Variants in CADPS observed in about 807,000 individuals in gnomAD.
CADPS encodes calcium dependent secretion activator.
CADPS carries 57 observed loss-of-function variants against 167.3 expected under a neutral mutation model. The observed-to-expected ratio is 0.34, with a 90% confidence interval of 0.28 to 0.42. The LOEUF is 0.42. Ranked by LOEUF, CADPS falls within the 20% of genes least tolerant of loss-of-function variation. The probability of loss-of-function intolerance (pLI) is 1.00; values close to 1 mark genes in which losing one functional copy is unlikely to be tolerated. For synonymous variants in CADPS, 676 were observed against 635.3 expected (o/e 1.06, Z -0.96); for missense variants, 1,414 against 1,738.1 (o/e 0.81, Z 3.32).
intron 3 of CADPS, among the ~76,000 whole-genome samples, chr3:62,706,500 G>C (rs1251108566): frequency 6.6e-6 from 1 of 152,026 alleles, no homozygotes; most frequent in Non-Finnish European, 1.5e-5. Context: ...CCACTGACCG[G>C]GTGGCTTAAA....
At chr3:62,457,503 G>T (rs2058832118) in intron 26 of CADPS, among the ~76,000 whole-genome samples, 1 of 152,270 alleles carries the variant, frequency 6.6e-6, no homozygotes. Context: ...AACACAAAAT[G>T]CTAAAATACA....
At chr3:62,481,284 T>C (rs1051134224) in intron 22 of CADPS, among the ~76,000 whole-genome samples, 4 of 152,226 alleles carry the variant, frequency 2.6e-5, no homozygotes, top group African/African-American at 9.6e-5. Flanking sequence ...AAACATTCTC[T>C]AGGAATTTTT....
chr3:62,824,429 T>A (rs2073659185), intron 1 of CADPS, among the ~76,000 whole-genome samples: 1 of 152,128 alleles, frequency 6.6e-6, no homozygotes, highest in Admixed American at 6.6e-5. Flanking sequence ...GTTGTGAGAG[T>A]ATTCCCTCCA....
intron 3 of CADPS, among the ~76,000 whole-genome samples, chr3:62,724,470 TA>T (rs917999120): frequency 4.3e-4 from 65 of 152,264 alleles, no homozygotes; most frequent in African/African-American, 1.5e-3. Flanking sequence ...GGTAATGACA[TA>T]AAAAAATTCC....
chr3:62,593,740 G>T (rs1303570211), intron 6 of CADPS, among the ~76,000 whole-genome samples: 1 of 152,174 alleles, frequency 6.6e-6, no homozygotes, highest in Non-Finnish European at 1.5e-5. Context: ...TTGGGGCTCA[G>T]CTTAAAACCA....
At chr3:62,445,718 AAAAAAAAAC>A in intron 27 of CADPS, 38 bp downstream of exon 27, 1 of 1,365,452 alleles carries the variant, frequency 7.3e-7, no homozygotes, top group Non-Finnish European at 1.0e-6. Context: ...AAATGAAAAA[AAAAAAAAAC>A]AAAAAAACCC....
intron 3 of CADPS, among the ~76,000 whole-genome samples, chr3:62,701,655 C>T (rs2081419796): frequency 6.6e-6 from 1 of 151,240 alleles, no homozygotes; most frequent in Admixed American, 6.6e-5. Flanking sequence ...AGAAAAGATG[C>T]CCTGTTTGCC....
In CADPS at chr3:62,404,778, T is replaced by A. The variant is rs945379935; in HGVS notation, c.3778-1593A>T. 29 of 146,376 alleles carry A rather than the reference T, an allele frequency of 2.0e-4. No homozygotes were observed. In the East Asian group the frequency reaches 5.0e-3, roughly 25 times the overall value. The allele number at this position is 146,376 out of a possible 1,614,324, so 9.1% of individuals were successfully genotyped here. A position where few individuals can be genotyped will look rare whatever the true frequency, so the allele number is the denominator to read the frequency against. The stretch of plus-strand genomic sequence containing the variant: ...GAGCAGGAGGGGTAGGAAGTAGATT[T>A]TTTTTTTTTTTTTTTTTTTTTGGAG... On this transcript the variant is annotated intron_variant, in intron 28 of 29. Coordinates refer to ENST00000383710, the MANE Select transcript of CADPS (RefSeq NM_003716.4).
At chr3:62,708,098 A>T (rs2082663715) in intron 3 of CADPS, among the ~76,000 whole-genome samples, 1 of 151,894 alleles carries the variant, frequency 6.6e-6, no homozygotes, top group Admixed American at 6.6e-5. Context: ...CTAATTTCTA[A>T]ATTGTCTCTA....
intron 1 of CADPS, among the ~76,000 whole-genome samples, chr3:62,852,488 G>A (rs1329662465): frequency 1.3e-5 from 2 of 151,866 alleles, no homozygotes; most frequent in Admixed American, 6.6e-5. Flanking sequence ...CCTTTGCCCG[G>A]TGTCAAGTTC....
intron 9 of CADPS, among the ~76,000 whole-genome samples, chr3:62,565,893 G>A (rs764959806): frequency 1.3e-5 from 2 of 152,166 alleles, no homozygotes; most frequent in South Asian, 2.1e-4. Context: ...ATTGTTACAC[G>A]TTATAAGCAA....
At chr3:62,593,675 G>A (rs1326345826) in intron 6 of CADPS, among the ~76,000 whole-genome samples, 1 of 152,184 alleles carries the variant, frequency 6.6e-6, no homozygotes, top group East Asian at 1.9e-4. Context: ...CCTGTTACAT[G>A]TATGTTTCCT....
intron 6 of CADPS, among the ~76,000 whole-genome samples, chr3:62,634,845 G>A (rs2065963310): frequency 6.6e-6 from 1 of 152,156 alleles, no homozygotes; most frequent in Admixed American, 6.5e-5. Context: ...TGTAGCCCCA[G>A]TGCCTCAAAG....
At chr3:62,850,256 T>C (rs2153096332) in intron 1 of CADPS, among the ~76,000 whole-genome samples, 1 of 131,978 alleles carries the variant, frequency 7.6e-6, no homozygotes, top group Admixed American at 7.7e-5. Flanking sequence ...TGAAGGGTTT[T>C]TTGTGTCTCT....
chr3:62,731,110 T>G (rs76456442), intron 3 of CADPS, among the ~76,000 whole-genome samples: 6 of 152,180 alleles, frequency 3.9e-5, no homozygotes, highest in Non-Finnish European at 5.9e-5. Context: ...TTAAATACAG[T>G]GCATAGAGGA....
intron 1 of CADPS, among the ~76,000 whole-genome samples, chr3:62,836,256 A>G (rs750580357): frequency 7.9e-5 from 12 of 152,176 alleles, no homozygotes; most frequent in Non-Finnish European, 1.6e-4. Context: ...TTAAATTATC[A>G]AACTAATCCA....
rs572951447 is a variant in CADPS at position 62,421,098 on chromosome 3, C to A, written c.3777+17006G>T. Among the ~76,000 whole-genome samples the A allele has an allele frequency of 1.3e-5, 2 of 152,018 alleles. No individual in the cohort carries two copies. Among genetic ancestry groups the A allele is most frequent in the Non-Finnish European group, 2.9e-5 (2 of 67,992 alleles). ...GGAGGTAAGAAGTCTGCGTCAGGTC[C>A]CCCATTGAAGTGTTCAGATGGGTCT... is the stretch of plus-strand genomic sequence containing the variant. On this transcript the variant is annotated intron_variant, in intron 28 of 29. Transcript: ENST00000383710. The surrounding 1 kb of genome is among the most constrained non-coding windows in gnomAD (Gnocchi z 4.7).
intron 1 of CADPS, among the ~76,000 whole-genome samples, chr3:62,794,292 A>G (rs563341075): frequency 2.6e-5 from 4 of 152,288 alleles, no homozygotes; most frequent in African/African-American, 7.2e-5. Flanking sequence ...TAATTAAGTA[A>G]GTAGTGATGG....
At chr3:62,513,649 T>C in intron 16 of CADPS, 2 of 1,588,308 alleles carry the variant, frequency 1.3e-6, no homozygotes, top group Non-Finnish European at 1.7e-6. Context: ...AATGGTTAAA[T>C]CCATCACTTG....
Sources: allele counts gnomAD v4.1 joint callset (sites outside exome capture counted in the v4.1 genomes callset), GRCh38; gene constraint gnomAD v4.1.1; non-coding constraint Gnocchi (gnomAD v3.1); transcripts MANE v1.5; gene names NCBI Gene and HGNC (gene_info 2026-07-23, HGNC 2026-07-21).